SPAG16: variants seen among roughly 807,000 people sequenced by gnomAD.
SPAG16 encodes the protein sperm associated antigen 16, also known as sperm-associated antigen 16 protein.
SPAG16 carries 86 observed loss-of-function variants against 80.4 expected under a neutral mutation model. The ratio of observed to expected loss-of-function variants is 1.07; its 90% CI spans 0.90 to 1.28. The LOEUF (loss-of-function observed/expected upper bound fraction) is 1.28, where lower values mean the gene tolerates loss of function less well. Among genes scored for constraint, SPAG16 ranks in the 50% most tolerant of loss-of-function variants. The pLI is 0.00. For synonymous variants in SPAG16, 294 were observed against 265.9 expected, an observed-to-expected ratio of 1.11 and a Z score of -1.03; for missense variants, 870 against 765.3, an observed-to-expected ratio of 1.14 and a Z score of -1.61.
intron 14 of SPAG16, among the ~76,000 whole-genome samples, chr2:214,133,457 G>A (rs1243816346): frequency 6.6e-6 from 1 of 151,932 alleles, no homozygotes; most frequent in Admixed American, 6.6e-5. Context: ...TCAGGAGTTC[G>A]AGACCAGCCT....
intron 10 of SPAG16, among the ~76,000 whole-genome samples, chr2:213,663,004 A>G (rs1244888666): frequency 1.3e-5 from 2 of 152,148 alleles, no homozygotes; most frequent in Admixed American, 6.5e-5. Context: ...TAGGGCACCA[A>G]TAATAGGTCA....
At chr2:213,920,416 A>G (rs1392931132) in intron 11 of SPAG16, among the ~76,000 whole-genome samples, 4 of 152,160 alleles carry the variant, frequency 2.6e-5, no homozygotes, top group African/African-American at 9.7e-5. Flanking sequence ...ATGCACACAC[A>G]CGTTGGCATG....
At chr2:214,149,888 A>G (rs1019289414) in intron 15 of SPAG16, among the ~76,000 whole-genome samples, 2 of 152,074 alleles carry the variant, frequency 1.3e-5, no homozygotes, top group African/African-American at 2.4e-5. Flanking sequence ...GAACCACACA[A>G]TAATTCCAGT....
intron 10 of SPAG16, among the ~76,000 whole-genome samples, chr2:213,698,613 T>C (rs966165201): frequency 6.6e-6 from 1 of 152,198 alleles, no homozygotes; most frequent in Non-Finnish European, 1.5e-5. Context: ...ACATATTCTT[T>C]TACAGTTATC....
intron 5 of SPAG16, among the ~76,000 whole-genome samples, chr2:213,337,268 A>G (rs1460423715): frequency 2.0e-5 from 3 of 152,220 alleles, no homozygotes; most frequent in Admixed American, 2.0e-4. Context: ...ATGAGAAAGA[A>G]TCAACACAAA....
intron 11 of SPAG16, among the ~76,000 whole-genome samples, chr2:213,871,865 C>T (rs898074163): frequency 3.7e-5 from 4 of 107,064 alleles, no homozygotes; most frequent in Non-Finnish European, 8.2e-5. Context: ...CACACACACA[C>T]ACACACACAC....
chr2:214,373,130 A>T (rs997188878), intron 15 of SPAG16, among the ~76,000 whole-genome samples: 1 of 152,172 alleles, frequency 6.6e-6, no homozygotes, highest in Admixed American at 6.5e-5. Flanking sequence ...CCAGACTGGT[A>T]CTTTCTTAAT....
At chr2:213,949,179 T>TTTTTTTTTTTTTTTTTTTTTTTTG (rs1553677674) in intron 12 of SPAG16, among the ~76,000 whole-genome samples, 43 of 36,258 alleles carry the variant, frequency 1.2e-3, no homozygotes, top group African/African-American at 2.7e-3. Flanking sequence ...GTTTTTTTTT[T>TTTTTTTTTTTTTTTTTTTTTTTTG]TTTTTTTTTT....
chr2:214,036,814 T>C (rs2048721655), intron 13 of SPAG16, among the ~76,000 whole-genome samples: 1 of 152,216 alleles, frequency 6.6e-6, no homozygotes, highest in East Asian at 1.9e-4. Context: ...GGAAAACATA[T>C]AGTCCAACTA....
chr2:213,343,563 T>G (rs1038984857), intron 6 of SPAG16, among the ~76,000 whole-genome samples: 6 of 151,288 alleles, frequency 4.0e-5, no homozygotes, highest in Non-Finnish European at 8.9e-5. Context: ...GAAAAGAAAA[T>G]TACAGAATTA....
At chr2:214,199,197 G>A (rs2057940466) in intron 15 of SPAG16, among the ~76,000 whole-genome samples, 1 of 152,086 alleles carries the variant, frequency 6.6e-6, no homozygotes, top group Non-Finnish European at 1.5e-5. Flanking sequence ...GTCTAGAAGA[G>A]TTTTTCCGAT....
At chr2:213,740,526 G>C (rs2067499297) in intron 10 of SPAG16, among the ~76,000 whole-genome samples, 2 of 152,176 alleles carry the variant, frequency 1.3e-5, no homozygotes, top group African/African-American at 2.4e-5. Context: ...TTGCGTTGTA[G>C]TTCAGGCCAT....
intron 15 of SPAG16, among the ~76,000 whole-genome samples, chr2:214,234,074 T>C (rs907135377): frequency 3.0e-4 from 45 of 151,356 alleles, no homozygotes; most frequent in Admixed American, 1.4e-3. Context: ...ATGTGTTGTT[T>C]CCCCCCCCAT....
chr2:213,459,626 T>G (rs1450864256), intron 9 of SPAG16, among the ~76,000 whole-genome samples: 2 of 152,228 alleles, frequency 1.3e-5, no homozygotes, highest in Non-Finnish European at 2.9e-5. Flanking sequence ...TCAGTTGTAG[T>G]CCTTGTTTCA....
intron 14 of SPAG16, among the ~76,000 whole-genome samples, chr2:214,114,589 G>A (rs1434137134): frequency 6.6e-6 from 1 of 152,200 alleles, no homozygotes; most frequent in East Asian, 1.9e-4. Flanking sequence ...GGCTCCATGA[G>A]CGTGGGACCC....
intron 15 of SPAG16, among the ~76,000 whole-genome samples, chr2:214,361,985 T>A (rs1410031542): frequency 1.3e-5 from 2 of 151,966 alleles, no homozygotes; most frequent in African/African-American, 4.8e-5. Flanking sequence ...ATATCTCTGA[T>A]AACTACTTCT....
intron 8 of SPAG16, among the ~76,000 whole-genome samples, chr2:213,371,819 A>G (rs2066653359): frequency 6.6e-6 from 1 of 152,192 alleles, no homozygotes; most frequent in Non-Finnish European, 1.5e-5. Context: ...GACGTTTATT[A>G]TAGAAAATTC....
At chr2:213,925,777 A>C (rs1243562897) in intron 11 of SPAG16, among the ~76,000 whole-genome samples, 1 of 152,222 alleles carries the variant, frequency 6.6e-6, no homozygotes, top group South Asian at 2.1e-4. Context: ...TTTAGAGATA[A>C]TGTAGTCATC....
chr2:214,180,470 TC>T (rs1171209009), intron 15 of SPAG16, among the ~76,000 whole-genome samples: 6 of 151,632 alleles, frequency 4.0e-5, no homozygotes, highest in African/African-American at 1.5e-4. Flanking sequence ...GTATTTAGTA[TC>T]CAAGTATTTC....
Sources: gnomAD v4.1 joint callset for allele counts (sites outside exome capture counted in the v4.1 genomes callset) on GRCh38, gnomAD v4.1.1 for gene constraint, MANE v1.5 for transcripts, NCBI Gene and HGNC (gene_info 2026-07-23, HGNC 2026-07-21) for gene names.